NTRK3: variants seen among roughly 807,000 people sequenced by gnomAD.
The protein encoded by NTRK3 is NT-3 growth factor receptor.
In NTRK3, 24 loss-of-function variants were observed where a neutral mutation model predicts 91.7. The ratio of observed to expected loss-of-function variants is 0.26; its 90% CI spans 0.19 to 0.37. The LOEUF (loss-of-function observed/expected upper bound fraction) is 0.37, where lower values mean the gene tolerates loss of function less well. Ranked by LOEUF, NTRK3 falls within the 10% of genes least tolerant of loss-of-function variation. NTRK3 has a pLI of 1.00. For synonymous variants in NTRK3, 483 were observed against 404.0 expected (o/e 1.20, Z -2.34); for missense variants, 880 against 1,068.9 (o/e 0.82, Z 2.46).
In NTRK3 at chr15:88,148,740, C is replaced by T. The variant is rs929033846; in HGVS notation, c.396-1337G>A. Among the ~76,000 whole-genome samples, 7 of 152,230 alleles carry T rather than the reference C, an allele frequency of 4.6e-5. No individual in the cohort carries two copies. In the South Asian group the frequency reaches 1.5e-3, roughly 32 times the overall value. ...GCAGAGAAGTGACCTAGTCTAATTA[C>T]CATTTTAAAAAATAGAAGACCAAGA... On this transcript the variant is annotated intron_variant, in intron 5 of 18. Transcript: ENST00000394480.
rs141586520 is a variant in NTRK3, at chr15:88,233,792, T to TCC, written c.248+22112_248+22113dup. Among the ~76,000 whole-genome samples, 4,527 of 151,146 alleles carry TCC rather than the reference T, an allele frequency of 0.03. 218 individuals carry two copies. The highest frequency in any genetic ancestry group is 0.1 in the African/African-American group (4,153 of 40,892). On this transcript the variant is annotated intron_variant, in intron 3 of 18. Transcript: ENST00000394480. This position sits in a 1 kb window ranked among gnomAD's most constrained non-coding sequence, Gnocchi z 4.2. ...CTCCTCCTCCCCTGACATCCAGTGCTCCCCCTCCCTGCCTTGTCCAAGAGA... is the reference window on the plus strand; with the variant it reads ...CTCCTCCTCCCCTGACATCCAGTGCTCCCCCCCTCCCTGCCTTGTCCAAGAGA...
At chr15:87,944,624 C>T (rs56926928) in intron 14 of NTRK3, among the ~76,000 whole-genome samples, 32,307 of 152,102 alleles carry the variant, frequency 0.21, 3,482 homozygotes, top group South Asian at 0.25. Flanking sequence ...CCCAGCTTTA[C>T]GGCCACTAAA....
intron 13 of NTRK3, among the ~76,000 whole-genome samples, chr15:88,120,842 G>A (rs2052626302): frequency 6.6e-6 from 1 of 152,246 alleles, no homozygotes; most frequent in Admixed American, 6.5e-5. Flanking sequence ...AGGGCCAGAA[G>A]GCTCTCGCTA....
intron 5 of NTRK3, among the ~76,000 whole-genome samples, chr15:88,162,146 G>A (rs188084194): frequency 1.4e-4 from 21 of 152,254 alleles, no homozygotes; most frequent in Admixed American, 3.9e-4. Flanking sequence ...AAGCACCAGC[G>A]CCACAGCAAA....
intron 17 of NTRK3, among the ~76,000 whole-genome samples, chr15:87,920,710 G>A (rs1017348851): frequency 2.0e-5 from 3 of 152,072 alleles, no homozygotes; most frequent in Admixed American, 1.3e-4. Context: ...TGCAGGAGGG[G>A]GTCTTATAGC....
At chr15:88,085,766 A>G (rs138107941) in intron 13 of NTRK3, among the ~76,000 whole-genome samples, 2 of 152,312 alleles carry the variant, frequency 1.3e-5, no homozygotes, top group East Asian at 1.9e-4. Context: ...GTCTTGCCCT[A>G]TAAAACTGGG....
intron 13 of NTRK3, among the ~76,000 whole-genome samples, chr15:88,104,254 G>A (rs111409990): frequency 7.4e-4 from 113 of 152,348 alleles, no homozygotes; most frequent in African/African-American, 2.6e-3. Flanking sequence ...GTCTAGAACT[G>A]TTGCATGAGA....
chr15:88,027,452 G>C (rs1046110733), intron 14 of NTRK3, among the ~76,000 whole-genome samples: 1 of 152,070 alleles, frequency 6.6e-6, no homozygotes, highest in Non-Finnish European at 1.5e-5. Flanking sequence ...GCGCAACCTC[G>C]GCTCACTGCA....
intron 14 of NTRK3, among the ~76,000 whole-genome samples, chr15:87,994,855 G>A (rs1244624567): frequency 6.6e-6 from 1 of 152,182 alleles, no homozygotes; most frequent in African/African-American, 2.4e-5. Context: ...TAGAACTGCA[G>A]CTGTGGAATT....
intron 17 of NTRK3, among the ~76,000 whole-genome samples, chr15:87,905,788 A>G (rs1031661764): frequency 9.2e-5 from 14 of 152,168 alleles, no homozygotes; most frequent in African/African-American, 2.9e-4. Flanking sequence ...CGTGAGCCCC[A>G]GGAACACTGA....
intron 3 of NTRK3, among the ~76,000 whole-genome samples, chr15:88,218,614 G>A (rs1161651407): frequency 1.3e-5 from 2 of 152,310 alleles, no homozygotes; most frequent in East Asian, 3.9e-4. Flanking sequence ...CTGGAGCCCT[G>A]TGCACCACTC....
chr15:88,123,605 A>G (rs763413277), intron 13 of NTRK3, among the ~76,000 whole-genome samples: 1 of 152,198 alleles, frequency 6.6e-6, no homozygotes, highest in Non-Finnish European at 1.5e-5. Context: ...TCCTTAGAAC[A>G]TGTGCCTAAG....
intron 14 of NTRK3, among the ~76,000 whole-genome samples, chr15:87,990,503 T>C (rs1413198339): frequency 6.6e-6 from 1 of 152,208 alleles, no homozygotes; most frequent in Non-Finnish European, 1.5e-5. Context: ...CCCAGCCATG[T>C]CTTTTTATAA....
At chr15:88,016,858 AT>A (rs545148856) in intron 14 of NTRK3, among the ~76,000 whole-genome samples, 3 of 140,996 alleles carry the variant, frequency 2.1e-5, no homozygotes, top group African/African-American at 5.3e-5. Context: ...CTCTGGGGAT[AT>A]TTTTTTTTCT....
At chr15:88,081,725 T>A (rs751514962) in intron 13 of NTRK3, among the ~76,000 whole-genome samples, 13 of 152,212 alleles carry the variant, frequency 8.5e-5, no homozygotes, top group Non-Finnish European at 1.6e-4. Context: ...TAAATGGGGC[T>A]GAAGTACCTG....
intron 13 of NTRK3, among the ~76,000 whole-genome samples, chr15:88,122,230 A>G (rs1404088146): frequency 1.3e-5 from 2 of 152,242 alleles, no homozygotes; most frequent in Non-Finnish European, 2.9e-5. Context: ...ACATATGCAT[A>G]TATGTGTACA....
intron 13 of NTRK3, among the ~76,000 whole-genome samples, chr15:88,044,254 CT>C (rs1181028004): frequency 0.074 from 5,799 of 78,466 alleles, 125 homozygotes; most frequent in African/African-American, 0.19. Flanking sequence ...AGTCTATGTT[CT>C]TTTTTTTTTT....
chr15:88,187,091 C>T (rs543787299), intron 3 of NTRK3, among the ~76,000 whole-genome samples: 2 of 152,292 alleles, frequency 1.3e-5, no homozygotes, highest in South Asian at 2.1e-4. Flanking sequence ...TTATTTTCCT[C>T]CTGTGCCTTA....
chr15:87,984,096 T>A lies in NTRK3; in HGVS notation c.1586-43343A>T, dbSNP rs571303130. ...CTAGAGAGGATGAAAAATGACCACA[T>A]GAACGTGAGGTAGTAATGAGTATGG... is the stretch of plus-strand genomic sequence containing the variant. On this transcript the variant is annotated intron_variant, in intron 14 of 18. Coordinates refer to ENST00000394480, the Ensembl canonical transcript of NTRK3. Among the ~76,000 whole-genome samples the A allele has an allele frequency of 7.2e-5, 11 of 152,214 alleles. No homozygotes were observed. In the South Asian group the frequency reaches 1.5e-3, roughly 20 times the overall value.
Sources: allele counts gnomAD v4.1 joint callset (sites outside exome capture counted in the v4.1 genomes callset), GRCh38; gene constraint gnomAD v4.1.1; non-coding constraint Gnocchi (gnomAD v3.1); transcripts MANE v1.5; gene names NCBI Gene and HGNC (gene_info 2026-07-23, HGNC 2026-07-21).